Variants in LOXHD1 observed in about 807,000 individuals in gnomAD.
LOXHD1 encodes lipoxygenase homology domain-containing protein 1.
LOXHD1 carries 205 observed loss-of-function variants against 248.2 expected under a neutral mutation model. The ratio of observed to expected loss-of-function variants is 0.83; its 90% CI spans 0.74 to 0.93. The LOEUF (loss-of-function observed/expected upper bound fraction) is 0.93, where lower values mean the gene tolerates loss of function less well. Ranked by LOEUF, LOXHD1 falls within the 40% of genes least tolerant of loss-of-function variation. LOXHD1 has a pLI of 0.00. For missense variants in LOXHD1, 2,930 were observed against 2,971.6 expected (o/e 0.99, Z 0.33); for synonymous variants, 1,113 against 1,162.8 (o/e 0.96, Z 0.87).
At position 46,489,096 on chromosome 18, in the gene LOXHD1, G is replaced by T. The variant is rs1364175692; in HGVS notation, c.5925C>A (p.Asn1975Lys). The T allele has an allele frequency of 1.9e-6, 3 of 1,551,726 alleles. No homozygotes were observed. Among genetic ancestry groups the T allele is most frequent in the Non-Finnish European group, 2.6e-6 (3 of 1,147,008 alleles). Residue 1975 changes from asparagine to lysine, a missense_variant, in exon 38 of 41, where the codon AAC becomes AAA. Asn to Lys is a moderately conservative substitution (Grantham distance 94, BLOSUM62 0). Transcript: ENST00000642948. ...GGAAGTGGAAGGTCTCGTCGCGGGA[G>T]TTGTCCTTCACATCGACATAGCTCA... The part of the protein sequence containing the change: ...WHLSYVDVKD[N>K]SRDETFHFQC...
chr18:46,641,757 T>C (rs2038965419), intron 3 of LOXHD1, among the ~76,000 whole-genome samples, 199 bp downstream of exon 3: 1 of 152,176 alleles, frequency 6.6e-6, no homozygotes, highest in Non-Finnish European at 1.5e-5. Flanking sequence ...TGTCTTGAAA[T>C]GTCTTAACCC....
intron 28 of LOXHD1, 46 bp from the exon 29 acceptor site, chr18:46,529,377 G>A: frequency 2.7e-6 from 4 of 1,503,002 alleles, no homozygotes; most frequent in Non-Finnish European, 3.6e-6. Flanking sequence ...GAAGAAAAGG[G>A]TGACAGCGCT....
intron 27 of LOXHD1, chr18:46,533,687 G>A: frequency 3.0e-6 from 1 of 329,952 alleles, no homozygotes; most frequent in Non-Finnish European, 5.9e-6. Flanking sequence ...ACTTTGAGAG[G>A]CCAAGGCGGG....
At position 46,600,621 on chromosome 18, in the gene LOXHD1, AAG is replaced by A. The variant is rs1491536408; in HGVS notation, c.1134+594_1134+595del. Among the ~76,000 whole-genome samples the A allele has an allele frequency of 4.8e-5, 7 of 146,754 alleles. No individual in the cohort carries two copies. In the East Asian group the frequency reaches 1.5e-3, roughly 32 times the overall value. ...CCAAAAAAAAAGGAAGGAAGGAAGGAAGGAAGGGAGGGAGGGAGGGACAAAAA... is the reference window on the plus strand; with the variant it reads ...CCAAAAAAAAAGGAAGGAAGGAAGGAGAAGGGAGGGAGGGAGGGACAAAAA... On this transcript the variant is annotated intron_variant, in intron 8 of 40. Coordinates refer to ENST00000642948, the MANE Select transcript of LOXHD1 (RefSeq NM_001384474.1).
intron 22 of LOXHD1, 34 bp downstream of exon 22, chr18:46,546,861 G>C (rs1323864181): frequency 2.6e-6 from 4 of 1,536,748 alleles, no homozygotes. Flanking sequence ...GGGGAGGGGT[G>C]CTGGAGAAAG....
chr18:46,554,428 A>G (rs1315997299), intron 21 of LOXHD1, among the ~76,000 whole-genome samples: 1 of 152,220 alleles, frequency 6.6e-6, no homozygotes, highest in Non-Finnish European at 1.5e-5. Context: ...TATTGACAGA[A>G]AAGGTGGTAT....
chr18:46,564,692 A>G (rs2037602720), intron 17 of LOXHD1, among the ~76,000 whole-genome samples: 1 of 152,072 alleles, frequency 6.6e-6, no homozygotes, highest in South Asian at 2.1e-4. Flanking sequence ...CTTTATCTTT[A>G]TCTTCTTGAT....
At chr18:46,599,705 T>C (rs1169485887) in intron 8 of LOXHD1, among the ~76,000 whole-genome samples, 1 of 152,050 alleles carries the variant, frequency 6.6e-6, no homozygotes, top group Non-Finnish European at 1.5e-5. Flanking sequence ...ATTTTAAAAC[T>C]CCTAAAAATA....
intron 18 of LOXHD1, among the ~76,000 whole-genome samples, chr18:46,561,826 A>G (rs768953559): frequency 6.6e-6 from 1 of 152,124 alleles, no homozygotes; most frequent in Non-Finnish European, 1.5e-5. Flanking sequence ...TCACTTCTTC[A>G]CGGCATTAGC....
intron 37 of LOXHD1, among the ~76,000 whole-genome samples, chr18:46,492,443 G>C (rs1332122082): frequency 6.6e-6 from 1 of 152,238 alleles, no homozygotes; most frequent in African/African-American, 2.4e-5. Context: ...TGATTGCCAA[G>C]TGAAGGGGGA....
At chr18:46,578,470 A>C (rs2037901229) in intron 13 of LOXHD1, among the ~76,000 whole-genome samples, 1 of 152,184 alleles carries the variant, frequency 6.6e-6, no homozygotes, top group African/African-American at 2.4e-5. Flanking sequence ...GAAATTTAAA[A>C]AGCTATGTGA....
chr18:46,542,480 G>A (rs1046373549), intron 24 of LOXHD1, among the ~76,000 whole-genome samples: 4 of 152,122 alleles, frequency 2.6e-5, no homozygotes, highest in Admixed American at 2.0e-4. Flanking sequence ...TAAAATTACC[G>A]ACACTGGGGT....
chr18:46,499,174 G>C (rs2034066049), intron 37 of LOXHD1, among the ~76,000 whole-genome samples: 1 of 152,228 alleles, frequency 6.6e-6, no homozygotes, highest in Non-Finnish European at 1.5e-5. Flanking sequence ...TTACAGTTCA[G>C]TGTTGTGAGT....
rs550415342 is a variant in LOXHD1, at chr18:46,618,193, T to C, written c.609A>G (p.Thr203=). 52 of 1,548,460 alleles carry C rather than the reference T, an allele frequency of 3.4e-5. No homozygotes were observed. The South Asian group carries it at 6.2e-4, about 18-fold the overall frequency. The change falls in exon 5 of 41, where the codon ACA becomes ACG. Residue 203 remains threonine, a splice_region_variant and synonymous_variant. Transcript: ENST00000642948. ...FINIFGEYGD[T]GERRLENEKD... ...AAAAAAATAATTCAAACCCATTACC[T>C]GTGTCTCCATACTCTCCAAAAATAT...
intron 35 of LOXHD1, among the ~76,000 whole-genome samples, chr18:46,508,838 C>G (rs2034759505): frequency 1.3e-5 from 2 of 152,112 alleles, no homozygotes; most frequent in Admixed American, 1.3e-4. Flanking sequence ...CCTTGGACTC[C>G]TAACATCACA....
intron 21 of LOXHD1, 48 bp downstream of exon 21, chr18:46,557,308 G>A: frequency 6.4e-7 from 1 of 1,550,934 alleles, no homozygotes. Flanking sequence ...GGCAGACATG[G>A]CCTCCCTCAG....
At chr18:46,559,074 C>T in intron 20 of LOXHD1, 1 of 1,152,088 alleles carries the variant, frequency 8.7e-7, no homozygotes, top group Non-Finnish European at 1.2e-6. Flanking sequence ...CCATACTCAC[C>T]TGCCAAGGCC....
intron 16 of LOXHD1, 77 bp downstream of exon 16, chr18:46,569,365 T>C (rs922678024): frequency 4.9e-6 from 6 of 1,220,854 alleles, no homozygotes; most frequent in Admixed American, 2.0e-5. Flanking sequence ...TGTGGACATA[T>C]GTGTGTGTGG....
At chr18:46,491,909 C>T (rs913013082) in intron 37 of LOXHD1, among the ~76,000 whole-genome samples, 4 of 152,178 alleles carry the variant, frequency 2.6e-5, no homozygotes, top group African/African-American at 9.7e-5. Flanking sequence ...CCACTGTGGC[C>T]CCCTTTCCCC....
Sources: allele counts gnomAD v4.1 joint callset (sites outside exome capture counted in the v4.1 genomes callset), GRCh38; gene constraint gnomAD v4.1.1; transcripts MANE v1.5; gene names NCBI Gene and HGNC (gene_info 2026-07-23, HGNC 2026-07-21).